The following TNFAIP8 variants were observed in gnomAD, a reference collection of about 807,000 sequenced individuals.
The protein encoded by TNFAIP8 is tumor necrosis factor alpha-induced protein 8.
Under a neutral mutation model 13.3 loss-of-function variants are expected in TNFAIP8, and 7 were observed. The observed-to-expected ratio is 0.52, with a 90% CI of 0.30 to 0.99. The LOEUF is 0.99. TNFAIP8 is among the 50% of genes least tolerant of loss of function. TNFAIP8 has a pLI of 0.07. For missense variants in TNFAIP8, 258 were observed against 236.9 expected (o/e 1.09, Z -0.58); for synonymous variants, 94 against 87.6 (o/e 1.07, Z -0.41).
chr5:119,351,960 T>A (rs150156474), upstream of TNFAIP8, among the ~76,000 whole-genome samples: 648 of 152,174 alleles, frequency 4.3e-3, 4 homozygotes, highest in African/African-American at 0.015. Flanking sequence ...CAGTTAATTT[T>A]TGTATTTTTA....
At chr5:119,268,888 C>A (rs1581554493) in exon 1 of TNFAIP8, 3 of 702,058 alleles carry the variant, frequency 4.3e-6, no homozygotes, top group African/African-American at 3.6e-5. Context: ...CGTCCCGGCG[C>A]CGTCGCGCCA....
rs142090608 is a variant in TNFAIP8 at position 119,393,121 on chromosome 5, G to A, written c.337G>A (p.Val113Met). 2.1e-5 allele frequency: 34 copies of A among 1,613,978 alleles called. No individual in the cohort carries two copies. The highest frequency in any genetic ancestry group is 1.1e-4 in the African/African-American group (8 of 75,042). ...KKKVHQLAMT[V>M]VSFHQVDYTF... ...GAAAGTTCATCAGCTTGCTATGACC[G>A]TGGTCAGTTTCCATCAGGTGGATTA... is the stretch of plus-strand genomic sequence containing the variant. Residue 113 changes from valine to methionine, a missense_variant, in exon 2 of 2, where the codon GTG (valine) becomes ATG (methionine). Val to Met is a conservative substitution (Grantham distance 21). Coordinates refer to ENST00000504771, the MANE Select transcript of TNFAIP8 (RefSeq NM_014350.4).
At chr5:119,367,990 G>A (rs1002647658) in intron 1 of TNFAIP8, among the ~76,000 whole-genome samples, 6 of 152,108 alleles carry the variant, frequency 3.9e-5, no homozygotes, top group Non-Finnish European at 8.8e-5. Flanking sequence ...TTCTCTCCTT[G>A]TTATCTCTTT....
chr5:119,269,659 CAGA>C (rs972518982), intron 1 of TNFAIP8, among the ~76,000 whole-genome samples: 2 of 152,164 alleles, frequency 1.3e-5, no homozygotes, highest in African/African-American at 4.8e-5. Flanking sequence ...TTCGAAAACA[CAGA>C]AGCTCTAAGT....
intron 1 of TNFAIP8, among the ~76,000 whole-genome samples, chr5:119,297,957 TG>T (rs1749231519): frequency 6.6e-6 from 1 of 152,210 alleles, no homozygotes; most frequent in African/African-American, 2.4e-5. Context: ...TCCATTTGCT[TG>T]GTAGATCTTC....
At chr5:119,377,496 T>A (rs1752328440) in intron 1 of TNFAIP8, among the ~76,000 whole-genome samples, 1 of 152,210 alleles carries the variant, frequency 6.6e-6, no homozygotes, top group Admixed American at 6.5e-5. Flanking sequence ...CTTGACTGTG[T>A]AGAGCTCCAA....
At chr5:119,332,367 G>C (rs556597969) in intron 1 of TNFAIP8, among the ~76,000 whole-genome samples, 10 of 151,888 alleles carry the variant, frequency 6.6e-5, no homozygotes, top group Admixed American at 2.0e-4. Flanking sequence ...ATTATTCAGG[G>C]GTGTTAAATA....
intron 1 of TNFAIP8, among the ~76,000 whole-genome samples, chr5:119,332,759 G>A (rs1314292525): frequency 2.6e-5 from 4 of 152,150 alleles, no homozygotes; most frequent in African/African-American, 9.7e-5. Flanking sequence ...TTTGTGGGTG[G>A]CAATGACTGC....
intron 1 of TNFAIP8, among the ~76,000 whole-genome samples, chr5:119,383,168 G>A (rs796823714): frequency 2.0e-5 from 3 of 152,284 alleles, no homozygotes; most frequent in African/African-American, 7.2e-5. Context: ...TAGTTTGTAA[G>A]AGAAGCTAGC....
intron 1 of TNFAIP8, among the ~76,000 whole-genome samples, chr5:119,321,229 A>G (rs1750045302): frequency 6.6e-6 from 1 of 152,206 alleles, no homozygotes; most frequent in South Asian, 2.1e-4. Flanking sequence ...AAAAAAGACT[A>G]GACTTGGATA....
intron 1 of TNFAIP8, among the ~76,000 whole-genome samples, chr5:119,371,251 A>G (rs570313914): frequency 6.6e-6 from 1 of 152,316 alleles, no homozygotes; most frequent in African/African-American, 2.4e-5. Flanking sequence ...TGGTATTTGT[A>G]TGTTTCAAGG....
chr5:119,388,008 TCTC>T (rs1221457022), intron 1 of TNFAIP8, among the ~76,000 whole-genome samples: 1 of 152,216 alleles, frequency 6.6e-6, no homozygotes, highest in Non-Finnish European at 1.5e-5. Flanking sequence ...TTGGGGAACA[TCTC>T]CTGTTTACAT....
intron 1 of TNFAIP8, among the ~76,000 whole-genome samples, chr5:119,280,015 A>G (rs927048669): frequency 6.6e-6 from 1 of 152,156 alleles, no homozygotes; most frequent in Non-Finnish European, 1.5e-5. Flanking sequence ...TACTGTGCTG[A>G]TATGCCTAGA....
intron 1 of TNFAIP8, among the ~76,000 whole-genome samples, chr5:119,278,376 A>AGTGTGTGT (rs71591297): frequency 4.6e-5 from 5 of 108,238 alleles, no homozygotes; most frequent in East Asian, 2.9e-4. Flanking sequence ...AGAGAGAGAG[A>AGTGTGTGT]GTGTGTGTGT....
At chr5:119,331,704 C>A (rs1750385291) in intron 1 of TNFAIP8, among the ~76,000 whole-genome samples, 1 of 152,208 alleles carries the variant, frequency 6.6e-6, no homozygotes, top group Admixed American at 6.5e-5. Flanking sequence ...CTGCAGGATT[C>A]TTCCTCCAGC....
chr5:119,285,257 A>T (rs948711686), intron 1 of TNFAIP8, among the ~76,000 whole-genome samples: 2 of 152,200 alleles, frequency 1.3e-5, no homozygotes, highest in Non-Finnish European at 2.9e-5. Flanking sequence ...GTGAGTTGTC[A>T]ACTATAAATC....
At chr5:119,369,571 T>G (rs1252090130) in intron 1 of TNFAIP8, among the ~76,000 whole-genome samples, 1 of 152,228 alleles carries the variant, frequency 6.6e-6, no homozygotes, top group Non-Finnish European at 1.5e-5. Context: ...AATTAAAACT[T>G]AGGCAGTTTT....
At chr5:119,300,123 G>C (rs1256096614) in intron 1 of TNFAIP8, among the ~76,000 whole-genome samples, 1 of 152,216 alleles carries the variant, frequency 6.6e-6, no homozygotes. Context: ...CCACTGTCCT[G>C]TGCCCACTAT....
intron 1 of TNFAIP8, among the ~76,000 whole-genome samples, chr5:119,341,240 T>G (rs905136165): frequency 4.6e-5 from 7 of 152,140 alleles, no homozygotes; most frequent in African/African-American, 1.4e-4. Flanking sequence ...CTTATTTGTT[T>G]TTAATGTTAG....
Sources: gnomAD v4.1 joint callset for allele counts (sites outside exome capture counted in the v4.1 genomes callset) on GRCh38, gnomAD v4.1.1 for gene constraint, MANE v1.5 for transcripts, NCBI Gene and HGNC (gene_info 2026-07-23, HGNC 2026-07-21) for gene names.